Variants in MLXIPL observed in about 807,000 individuals in gnomAD.
The protein encoded by MLXIPL is MLX interacting protein like.
In MLXIPL, 49 loss-of-function variants were observed where a neutral mutation model predicts 81.5. That is an observed-to-expected ratio of 0.60 (90% CI 0.48 to 0.76). MLXIPL has a LOEUF of 0.76. MLXIPL is among the 30% of genes least tolerant of loss of function. The pLI is 0.00. For missense variants in MLXIPL, 1,053 were observed against 1,167.0 expected (o/e 0.90, Z 1.42); for synonymous variants, 466 against 485.5 (o/e 0.96, Z 0.53).
At chr7:73,626,306 A>G (rs1462654139), upstream of MLXIPL, among the ~76,000 whole-genome samples, 4 of 139,676 alleles carry the variant, frequency 2.9e-5, no homozygotes, top group East Asian at 8.8e-4. Flanking sequence ...TGCCCAGCCT[A>G]TTTATATATT....
At position 73,593,458 on chromosome 7, in the gene MLXIPL, G is replaced by A. The variant is rs1794008917; in HGVS notation, c.*407C>T. ...AGGTCTGTGCCCCACCTGTCGGGGA[G>A]CAAGTGGAGGTGACAGAGAAACAGC... On this transcript the variant is annotated 3_prime_UTR_variant, in exon 17 of 17. Transcript: ENST00000313375. 1 of 296,384 alleles carries A rather than the reference G, an allele frequency of 3.4e-6. No individual in the cohort carries two copies. The highest frequency in any genetic ancestry group is 3.3e-5 in the South Asian group (1 of 30,766). The allele number at this position is 296,384 out of a possible 1,614,324, so 18.4% of individuals were successfully genotyped here. A position where few individuals can be genotyped will look rare whatever the true frequency, so the allele number is the denominator to read the frequency against.
At position 73,595,688 on chromosome 7, in the gene MLXIPL, C is replaced by T; in HGVS notation, c.2259G>A (p.Met753Ile). ...THQRFDQMRD[M>I]FDDYVRTRTL... ...TACGGGTTCGGACGTAGTCATCAAA[C>T]ATGTCTCGCATCTGGTCAAAACGCT... The change falls in exon 15 of 17, where the codon ATG (methionine) becomes ATA (isoleucine). Residue 753 changes from methionine to isoleucine, a missense_variant. Coordinates refer to ENST00000313375, the MANE Select transcript of MLXIPL (RefSeq NM_032951.3). The T allele has an allele frequency of 6.2e-7, 1 of 1,614,162 alleles. No individual in the cohort carries two copies. Among genetic ancestry groups the T allele is most frequent in the Non-Finnish European group, 8.5e-7 (1 of 1,180,002 alleles).
chr7:73,597,998 T>C (rs1339976588), intron 8 of MLXIPL, among the ~76,000 whole-genome samples: 2 of 152,088 alleles, frequency 1.3e-5, no homozygotes, highest in African/African-American at 2.4e-5. Flanking sequence ...AAATAACTTA[T>C]TCATCCATCC....
chr7:73,641,270 A>G, the MLXIPL span, among the ~76,000 whole-genome samples: 1 of 151,992 alleles, frequency 6.6e-6, no homozygotes, highest in Non-Finnish European at 1.5e-5. Context: ...AAAACCCTAT[A>G]AGGGACTTTC....
Position 73,616,124 on chromosome 7 carries a change from C to T in MLXIPL, c.347G>A (p.Cys116Tyr). 6.2e-7 allele frequency: 1 copy of T among 1,614,082 alleles called. No homozygotes were observed. Among genetic ancestry groups the T allele is most frequent in the Non-Finnish European group, 8.5e-7 (1 of 1,180,010 alleles). ...GTTGTTCAGGCGGATCTTGTCTCTG[C>T]AGAGCAGCTTGAGGCCTTTGAAATT... ...WKNFKGLKLL[C>Y]RDKIRLNNAI... Residue 116 changes from cysteine (C) to tyrosine (Y), a missense_variant, in exon 2 of 17, where the codon TGC (cysteine) becomes TAC (tyrosine). Transcript: ENST00000313375.
intron 5 of MLXIPL, chr7:73,606,718 G>T: frequency 2.0e-6 from 1 of 497,524 alleles, no homozygotes; most frequent in Non-Finnish European, 3.7e-6. Context: ...GAGCCACCAC[G>T]CCCGGCCTGG....
chr7:73,619,422 C>G (rs1318289579), intron 1 of MLXIPL, among the ~76,000 whole-genome samples: 1 of 149,978 alleles, frequency 6.7e-6, no homozygotes, highest in African/African-American at 2.5e-5. Context: ...GATTGTGCCA[C>G]TGCACTCCAG....
chr7:73,643,792 A>T, the MLXIPL span, among the ~76,000 whole-genome samples: 1 of 152,130 alleles, frequency 6.6e-6, no homozygotes, highest in Non-Finnish European at 1.5e-5. Context: ...TTTGGAGGCA[A>T]GGTGTTGCTC....
At chr7:73,625,330 C>T (rs1796676013), upstream of MLXIPL, among the ~76,000 whole-genome samples, 1 of 152,188 alleles carries the variant, frequency 6.6e-6, no homozygotes, top group African/African-American at 2.4e-5. Context: ...CCCCGCCCCC[C>T]ATATTAGCTC....
rs1554592905 is a variant in MLXIPL, at chr7:73,594,321, G to A, written c.2393C>T (p.Ser798Leu). The A allele has an allele frequency of 6.2e-7, 1 of 1,611,684 alleles. No homozygotes were observed. The highest frequency in any genetic ancestry group is 1.7e-5 in the Admixed American group (1 of 60,022). ...TASVHTLRQT[S>L]LAWLDQYCSL... ...GCAGTACTGGTCCAGCCAGGCCAGT[G>A]AGGTCTGGCGGAGGGTGTGCACACT... Residue 798 changes from serine (S) to leucine (L), a missense_variant, in exon 16 of 17, where the codon TCA becomes TTA. By Grantham distance (145) the Ser-to-Leu change is moderately radical. Around this residue, in one of 3 missense-constraint regions of MLXIPL, gnomAD observed 823 missense variants for 933.0 expected, o/e 0.88. Coordinates refer to ENST00000313375, the MANE Select transcript of MLXIPL (RefSeq NM_032951.3).
chr7:73,624,684 G>A (rs67666190), upstream of MLXIPL: 104,712 of 1,178,124 alleles, frequency 0.089, 5,563 homozygotes, highest in African/African-American at 0.21. Context: ...CTGGAGCTCT[G>A]GCGGGTTGGC....
upstream of MLXIPL, among the ~76,000 whole-genome samples, chr7:73,628,831 C>T (rs1440985229): frequency 6.6e-6 from 1 of 152,206 alleles, no homozygotes. Flanking sequence ...AGATGCAAGA[C>T]AAGATCCTAA....
chr7:73,605,546 A>AAAAT (rs1360824448), intron 7 of MLXIPL, 142 bp downstream of exon 7: 24 of 776,636 alleles, frequency 3.1e-5, no homozygotes, highest in Admixed American at 2.4e-4. Flanking sequence ...ATGCCATCTC[A>AAAAT]AAATAAATAA....
intron 2 of MLXIPL, 137 bp downstream of exon 2, chr7:73,615,934 A>AG: frequency 1.7e-6 from 1 of 597,092 alleles, no homozygotes. Context: ...AAAAAAAAAA[A>AG]GGTTGGCAGA....
intron 8 of MLXIPL, 127 bp downstream of exon 8, chr7:73,599,399 C>G (rs1383238235): frequency 3.2e-6 from 4 of 1,236,732 alleles, no homozygotes; most frequent in Non-Finnish European, 4.7e-6. Context: ...TGGGGTCTTT[C>G]TTTCCCTCCA....
At position 73,624,211 on chromosome 7, in the gene MLXIPL, G is replaced by A. The variant is rs782680267; in HGVS notation, c.282C>T (p.Ser94=). The part of the protein sequence containing the change: ...PTLTRLFECL[S]LAYSGKLVSP... ...GGAACCGCCCTCACCTGTAGGCCAG[G>A]CTCAAGCACTCGAAGAGGCGTGTGA... The change falls in exon 1 of 17, where the codon AGC becomes AGT. Residue 94 remains serine (S), a synonymous_variant. Coordinates refer to ENST00000313375, the MANE Select transcript of MLXIPL (RefSeq NM_032951.3). The A allele has an allele frequency of 1.1e-5, 18 of 1,592,496 alleles. No homozygotes were observed. Among genetic ancestry groups the A allele is most frequent in the Non-Finnish European group, 1.5e-5 (17 of 1,170,974 alleles).
the MLXIPL span, among the ~76,000 whole-genome samples, chr7:73,647,044 A>T: frequency 6.6e-6 from 1 of 152,136 alleles, no homozygotes; most frequent in Non-Finnish European, 1.5e-5. Context: ...CATGTCACGG[A>T]GGGAGAGCCA....
chr7:73,615,857 G>C (rs1795975499), intron 2 of MLXIPL, among the ~76,000 whole-genome samples: 1 of 149,824 alleles, frequency 6.7e-6, no homozygotes. Flanking sequence ...AAGTTGCAGT[G>C]AGCCGAGATG....
chr7:73,622,413 C>T lies in MLXIPL; in HGVS notation c.293+1787G>A, dbSNP rs1275806995. On this transcript the variant is annotated intron_variant, in intron 1 of 16. Coordinates refer to ENST00000313375, the MANE Select transcript of MLXIPL (RefSeq NM_032951.3). ...CTGAGGCAGGAGATTCTCTTGAACC[C>T]GGAAGGCAGAGGTTGCAGTGAGCTG... 4.0e-5 allele frequency among the ~76,000 whole-genome samples: 6 copies of T among 151,724 alleles called. No homozygotes were observed. In the South Asian group the frequency reaches 1.0e-3, roughly 26 times the overall value.
Sources: allele counts gnomAD v4.1 joint callset (sites outside exome capture counted in the v4.1 genomes callset), GRCh38; gene constraint gnomAD v4.1.1; regional missense constraint gnomAD v4.1.1; transcripts MANE v1.5; gene names NCBI Gene and HGNC (gene_info 2026-07-23, HGNC 2026-07-21).